ZNF385D: variants seen among roughly 807,000 people sequenced by gnomAD.
ZNF385D encodes the protein zinc finger protein 385D, also known as zinc finger protein 659.
Under a neutral mutation model 35.8 loss-of-function variants are expected in ZNF385D, and 15 were observed. The observed-to-expected ratio is 0.42, with a 90% CI of 0.28 to 0.64. The LOEUF (loss-of-function observed/expected upper bound fraction) is 0.64, where lower values mean the gene tolerates loss of function less well. Among genes scored for constraint, ZNF385D ranks in the 30% least tolerant of loss-of-function variants. The probability of loss-of-function intolerance (pLI) is 0.23; values close to 1 mark genes in which losing one functional copy is unlikely to be tolerated. For synonymous variants in ZNF385D, 212 were observed against 186.8 expected (o/e 1.13, Z -1.10); for missense variants, 474 against 494.6 (o/e 0.96, Z 0.39).
chr3:22,066,655 G>T (rs1198912087), intron 3 of ZNF385D, among the ~76,000 whole-genome samples: 1 of 151,814 alleles, frequency 6.6e-6, no homozygotes, highest in South Asian at 2.1e-4. Context: ...GGCAGCTTTG[G>T]TGTTGTAGGA....
At chr3:21,806,365 C>T (rs1340133457) in intron 3 of ZNF385D, among the ~76,000 whole-genome samples, 4 of 151,904 alleles carry the variant, frequency 2.6e-5, no homozygotes, top group Admixed American at 6.6e-5. Flanking sequence ...TCACCACGCC[C>T]GACTAATTTG....
chr3:21,844,374 C>T (rs1695868186), intron 3 of ZNF385D, among the ~76,000 whole-genome samples: 2 of 139,872 alleles, frequency 1.4e-5, no homozygotes, highest in Admixed American at 6.9e-5. Flanking sequence ...GCTGATTAGA[C>T]ATTATAGATG....
At chr3:22,301,851 A>G (rs981731549) in intron 2 of ZNF385D, among the ~76,000 whole-genome samples, 10 of 152,220 alleles carry the variant, frequency 6.6e-5, no homozygotes, top group African/African-American at 2.4e-4. Context: ...AAAATTATGT[A>G]GACAGTATCA....
chr3:22,312,010 A>G (rs1703584137), intron 2 of ZNF385D, among the ~76,000 whole-genome samples: 1 of 152,084 alleles, frequency 6.6e-6, no homozygotes, highest in Non-Finnish European at 1.5e-5. Context: ...TCCTACAATT[A>G]TTATTTCCTC....
At chr3:22,277,479 A>G (rs1701485590) in intron 2 of ZNF385D, among the ~76,000 whole-genome samples, 1 of 152,162 alleles carries the variant, frequency 6.6e-6, no homozygotes, top group South Asian at 2.1e-4. Flanking sequence ...AGAAAGCAGC[A>G]GAAGAAAAAA....
intron 3 of ZNF385D, among the ~76,000 whole-genome samples, chr3:21,816,628 G>C (rs570887962): frequency 1.1e-3 from 171 of 152,184 alleles, no homozygotes; most frequent in African/African-American, 3.6e-3. Context: ...AACTTACAAG[G>C]GATGTGAAGG....
intron 4 of ZNF385D, among the ~76,000 whole-genome samples, chr3:21,502,742 T>C (rs1706476146): frequency 6.6e-6 from 1 of 152,196 alleles, no homozygotes; most frequent in African/African-American, 2.4e-5. Context: ...AAAGATCTGC[T>C]ACCAGCACAC....
intron 2 of ZNF385D, among the ~76,000 whole-genome samples, chr3:22,239,153 T>C (rs1699351251): frequency 6.6e-6 from 1 of 151,130 alleles, no homozygotes; most frequent in Admixed American, 6.6e-5. Flanking sequence ...GGTTTTAAAC[T>C]AAGTTCTGCT....
chr3:21,601,278 A>G (rs907807012), intron 2 of ZNF385D, among the ~76,000 whole-genome samples: 3 of 152,232 alleles, frequency 2.0e-5, no homozygotes, highest in Non-Finnish European at 2.9e-5. Flanking sequence ...ATGTTAAACC[A>G]TAGGCCAGGA....
chr3:21,669,593 TTTTGA>T (rs1414790982), intron 1 of ZNF385D, among the ~76,000 whole-genome samples: 1 of 152,206 alleles, frequency 6.6e-6, no homozygotes, highest in Non-Finnish European at 1.5e-5. Context: ...GACATGTTTG[TTTTGA>T]TAATTCATAC....
At chr3:22,164,287 G>A (rs959571200) in intron 3 of ZNF385D, among the ~76,000 whole-genome samples, 3 of 129,640 alleles carry the variant, frequency 2.3e-5, no homozygotes, top group African/African-American at 8.8e-5. Flanking sequence ...GTAGTACAAT[G>A]GTGCTATCTC....
chr3:21,982,222 C>T (rs1694505261), intron 3 of ZNF385D, among the ~76,000 whole-genome samples: 1 of 151,532 alleles, frequency 6.6e-6, no homozygotes, highest in Non-Finnish European at 1.5e-5. Context: ...ATTTTTCTTC[C>T]ATTTGTTTGT....
chr3:21,754,086 C>G (rs1409071632), upstream of ZNF385D, among the ~76,000 whole-genome samples: 1 of 152,182 alleles, frequency 6.6e-6, no homozygotes, highest in African/African-American at 2.4e-5. Context: ...ATCCATTCAT[C>G]CACTAGTGGA....
chr3:22,116,078 T>C (rs1393403096), intron 3 of ZNF385D, among the ~76,000 whole-genome samples: 1 of 152,046 alleles, frequency 6.6e-6, no homozygotes, highest in East Asian at 1.9e-4. Flanking sequence ...TTGGAAACTA[T>C]CAATATTTAC....
At position 21,749,702 on chromosome 3, in the gene ZNF385D, T is replaced by A. The variant is rs966900135; in HGVS notation, c.22+1193A>T. On this transcript the variant is annotated intron_variant, in intron 1 of 7. Coordinates refer to ENST00000281523, the MANE Select transcript of ZNF385D (RefSeq NM_024697.3). ...TTTTAAGACTTCTCTTCTAATATGA[T>A]ACAAATTATAGGCAAATCAAAACTG... is the stretch of plus-strand genomic sequence containing the variant. Among the ~76,000 whole-genome samples, 5 of 152,322 alleles carry A rather than the reference T, an allele frequency of 3.3e-5. No individual in the cohort carries two copies. In the South Asian group the frequency reaches 6.2e-4, roughly 19 times the overall value.
At chr3:22,162,656 T>G (rs1359180747) in intron 3 of ZNF385D, among the ~76,000 whole-genome samples, 1 of 152,206 alleles carries the variant, frequency 6.6e-6, no homozygotes, top group Admixed American at 6.5e-5. Context: ...GCAGCCATTC[T>G]TTCTATAACC....
chr3:22,186,483 T>C (rs1481337813), intron 2 of ZNF385D, among the ~76,000 whole-genome samples: 1 of 152,200 alleles, frequency 6.6e-6, no homozygotes, highest in African/African-American at 2.4e-5. Flanking sequence ...TGACCATCTC[T>C]GTCGTCAGAG....
intron 3 of ZNF385D, among the ~76,000 whole-genome samples, chr3:21,910,774 T>A (rs1017024187): frequency 4.0e-5 from 6 of 151,692 alleles, no homozygotes; most frequent in African/African-American, 1.5e-4. Context: ...ATACAAAGAA[T>A]ACTAGATAAA....
chr3:22,035,782 C>T (rs1305571997), intron 3 of ZNF385D, among the ~76,000 whole-genome samples: 2 of 152,044 alleles, frequency 1.3e-5, no homozygotes, highest in African/African-American at 2.4e-5. Flanking sequence ...AATGTAGACT[C>T]CAAAATTATG....
Sources: gnomAD v4.1 joint callset for allele counts (sites outside exome capture counted in the v4.1 genomes callset) on GRCh38, gnomAD v4.1.1 for gene constraint, MANE v1.5 for transcripts, NCBI Gene and HGNC (gene_info 2026-07-23, HGNC 2026-07-21) for gene names.